The following IL1R1 variants were observed in gnomAD, a reference collection of about 807,000 sequenced individuals.
The protein encoded by IL1R1 is interleukin-1 receptor type 1.
In IL1R1, 22 loss-of-function variants were observed where a neutral mutation model predicts 50.2. That is an observed-to-expected ratio of 0.44 (90% CI 0.31 to 0.63). The LOEUF (loss-of-function observed/expected upper bound fraction) is 0.63. IL1R1 is among the 20% of genes least tolerant of loss of function. IL1R1 has a pLI of 0.07. For missense variants in IL1R1, 509 were observed against 676.2 expected (o/e 0.75, Z 2.74); for synonymous variants, 251 against 236.7 (o/e 1.06, Z -0.55).
rs546675360 is a variant in IL1R1, at chr2:102,095,800, C to A, written c.-84+25267C>A. ...CGGGCGGATCATGAGGTTAGGAGAT[C>A]GAGACCATCCTGGCCAACATGGTGA... On this transcript the variant is annotated intron_variant, in intron 1 of 11. Coordinates refer to the IL1R1 transcript ENST00000409929. Among the ~76,000 whole-genome samples, 7 of 152,168 alleles carry A rather than the reference C, an allele frequency of 4.6e-5. No homozygotes were observed. In the South Asian group the frequency reaches 1.2e-3, roughly 27 times the overall value.
At chr2:102,077,447 C>T (rs1485819947) in intron 1 of IL1R1, among the ~76,000 whole-genome samples, 2 of 152,176 alleles carry the variant, frequency 1.3e-5, no homozygotes, top group Non-Finnish European at 2.9e-5. Context: ...ATCTAAGATA[C>T]AGCTGATTTT....
chr2:102,172,586 G>T lies in IL1R1; in HGVS notation c.840-101G>T, dbSNP rs1033934428. The T allele has an allele frequency of 1.3e-5, 14 of 1,116,642 alleles. No homozygotes were observed. The Admixed American group carries it at 4.6e-4, about 37-fold the overall frequency. The allele number at this position is 1,116,642 out of a possible 1,614,324, so 69.2% of individuals were successfully genotyped here. On this transcript the variant is annotated intron_variant, in intron 8 of 11. Coordinates refer to ENST00000410023, the MANE Select transcript of IL1R1 (RefSeq NM_000877.4). ...ATTGGGCAGGGTGATTATTTCAGTGGCAATTTTGTCACAAATAAGGAAATA... is the reference window on the plus strand; with the variant it reads ...ATTGGGCAGGGTGATTATTTCAGTGTCAATTTTGTCACAAATAAGGAAATA...
intron 7 of IL1R1, among the ~76,000 whole-genome samples, chr2:102,169,594 C>A (rs1447352014): frequency 6.6e-6 from 1 of 152,148 alleles, no homozygotes; most frequent in Non-Finnish European, 1.5e-5. Flanking sequence ...TTGGAATTGT[C>A]CTCTGTAATA....
intron 1 of IL1R1, among the ~76,000 whole-genome samples, chr2:102,131,558 G>T (rs1371589318): frequency 1.3e-5 from 2 of 150,946 alleles, no homozygotes; most frequent in African/African-American, 4.9e-5. Context: ...AATTTCTGAG[G>T]TAAAAAAAAT....
chr2:102,121,184 C>A lies in IL1R1; in HGVS notation c.-84+16312C>A, dbSNP rs145549811. Among the ~76,000 whole-genome samples, 221 of 152,296 alleles carry A rather than the reference C, an allele frequency of 1.5e-3. 1 individual carries two copies. The highest frequency in any genetic ancestry group is 6.8e-3 in the Middle Eastern group (2 of 294). ...CACTGTATGCCATTGACCCAGGGGT[C>A]TGGGACATCCAGCCACCCGGTGCTG... On this transcript the variant is annotated intron_variant, in intron 1 of 10. Coordinates refer to the IL1R1 transcript ENST00000409329.
chr2:102,104,661 G>T (rs561579940), exon 1 of IL1R1: 1 of 152,382 alleles, frequency 6.6e-6, no homozygotes, highest in African/African-American at 2.4e-5. Context: ...GGGGCGTCCG[G>T]CAAGATGTGA....
At chr2:102,098,155 G>A (rs1179817856) in intron 1 of IL1R1, among the ~76,000 whole-genome samples, 1 of 151,908 alleles carries the variant, frequency 6.6e-6, no homozygotes, top group East Asian at 1.9e-4. Context: ...TAGAGTAAGG[G>A]AAAAACTGTT....
At chr2:102,092,833 A>G (rs1271879169) in intron 1 of IL1R1, among the ~76,000 whole-genome samples, 1 of 152,048 alleles carries the variant, frequency 6.6e-6, no homozygotes, top group Non-Finnish European at 1.5e-5. Flanking sequence ...TAGTTCCATG[A>G]CTATGATTTT....
chr2:102,162,085 G>A (rs2104558180), intron 3 of IL1R1, among the ~76,000 whole-genome samples: 1 of 152,158 alleles, frequency 6.6e-6, no homozygotes, highest in South Asian at 2.1e-4. Flanking sequence ...AGTCACTCAA[G>A]CTTTAACTAA....
intron 1 of IL1R1, among the ~76,000 whole-genome samples, chr2:102,152,504 CAAAAAAAAAAAAAAAAAAAAA>C (rs70946674): frequency 3.4e-5 from 1 of 29,694 alleles, no homozygotes; most frequent in Non-Finnish European, 5.7e-5. Context: ...GACTCCGTCT[CAAAAAAAAAAAAAAAAAAAAA>C]AAAAAAAAAA....
At chr2:102,082,654 G>A (rs535463138) in intron 1 of IL1R1, among the ~76,000 whole-genome samples, 131 of 150,510 alleles carry the variant, frequency 8.7e-4, no homozygotes, top group African/African-American at 3.0e-3. Context: ...AAACGCCCTG[G>A]AGACAGAGAG....
chr2:102,161,784 C>T (rs1056126572), intron 3 of IL1R1, among the ~76,000 whole-genome samples: 1 of 152,146 alleles, frequency 6.6e-6, no homozygotes, highest in Non-Finnish European at 1.5e-5. Flanking sequence ...ACAGCAACCT[C>T]TGCCTACTGG....
intron 1 of IL1R1, among the ~76,000 whole-genome samples, chr2:102,112,491 C>A (rs1680827862): frequency 6.6e-6 from 1 of 152,060 alleles, no homozygotes; most frequent in African/African-American, 2.4e-5. Context: ...CTTCAGTGAG[C>A]TTCACCTCCC....
At chr2:102,122,696 G>T (rs1476728703) in intron 1 of IL1R1, among the ~76,000 whole-genome samples, 5 of 152,274 alleles carry the variant, frequency 3.3e-5, no homozygotes, top group African/African-American at 4.8e-5. Flanking sequence ...GAGGTTGTCT[G>T]CCAGGGTCTG....
intron 1 of IL1R1, among the ~76,000 whole-genome samples, chr2:102,108,856 C>T (rs774794031): frequency 6.6e-6 from 1 of 151,644 alleles, no homozygotes; most frequent in Non-Finnish European, 1.5e-5. Context: ...TTTAAGGAGG[C>T]ATCGATTTTC....
At chr2:102,102,573 G>A (rs1451996462), upstream of IL1R1, among the ~76,000 whole-genome samples, 1 of 152,112 alleles carries the variant, frequency 6.6e-6, no homozygotes, top group Non-Finnish European at 1.5e-5. Flanking sequence ...ATGTAAATTA[G>A]TTCAGCCACT....
chr2:102,153,385 C>T (rs990836856), intron 1 of IL1R1, among the ~76,000 whole-genome samples: 5 of 152,180 alleles, frequency 3.3e-5, no homozygotes, highest in Non-Finnish European at 2.9e-5. Flanking sequence ...ATTCTTCCCT[C>T]CCTCCCTGTG....
Position 102,157,786 on chromosome 2 carries a change from GTAAGT to G in IL1R1, c.61+7_61+11del, listed in dbSNP as rs1359441322. ...CTACTGATTTCTTCTCTGGAGGCTG[GTAAGT>G]TAAGTATTTCTTTGTGTTCTTGTCT... On this transcript the variant is annotated splice_donor_variant and splice_donor_5th_base_variant and intron_variant, in intron 3 of 11. Coordinates refer to ENST00000410023, the MANE Select transcript of IL1R1 (RefSeq NM_000877.4). LOFTEE classifies it high-confidence loss of function. 1 of 1,581,436 alleles carries G rather than the reference GTAAGT, an allele frequency of 6.3e-7. No individual in the cohort carries two copies. Among genetic ancestry groups the G allele is most frequent in the Admixed American group, 1.7e-5 (1 of 59,940 alleles).
At chr2:102,162,097 T>C (rs928937030) in intron 3 of IL1R1, among the ~76,000 whole-genome samples, 2 of 152,226 alleles carry the variant, frequency 1.3e-5, no homozygotes, top group African/African-American at 4.8e-5. Context: ...TTTAACTAAT[T>C]AATTTTTATT....
Sources: allele counts gnomAD v4.1 joint callset (sites outside exome capture counted in the v4.1 genomes callset), GRCh38; gene constraint gnomAD v4.1.1; transcripts MANE v1.5; gene names NCBI Gene and HGNC (gene_info 2026-07-23, HGNC 2026-07-21).